The following DMPK variants were observed in gnomAD, a reference collection of about 807,000 sequenced individuals.
The protein encoded by DMPK is myotonin-protein kinase.
DMPK carries 32 observed loss-of-function variants against 70.3 expected under a neutral mutation model. The observed-to-expected ratio is 0.46, with a 90% CI of 0.34 to 0.61. The LOEUF (loss-of-function observed/expected upper bound fraction) is 0.61, where lower values mean the gene tolerates loss of function less well. Among genes scored for constraint, DMPK ranks in the 20% least tolerant of loss-of-function variants. The pLI, the probability that DMPK is intolerant of heterozygous loss-of-function variation, is 0.01. For missense variants in DMPK, 899 were observed against 886.0 expected (o/e 1.01, Z -0.19); for synonymous variants, 469 against 390.9 (o/e 1.20, Z -2.36).
rs1383683045 is a variant in DMPK at position 45,777,501 on chromosome 19, C to G, written c.972G>C (p.Arg324=). ...AGTCGCCTGCTCCACCCCGGCCCAG[C>G]CGTGTCTCCGGGGGACACAGCAACC... is the stretch of plus-strand genomic sequence containing the variant. ...IQRLLCPPET[R]LGRGGAGDFR... Residue 324 remains arginine (R), a synonymous_variant, in exon 8 of 15, where the codon CGG becomes CGC. Transcript: ENST00000291270. The surrounding 1 kb of genome is among the most constrained non-coding windows in gnomAD (Gnocchi z 6.7). 6.2e-7 allele frequency: 1 copy of G among 1,613,560 alleles called. No individual in the cohort carries two copies. The highest frequency in any genetic ancestry group is 1.7e-5 in the Admixed American group (1 of 60,028).
chr19:45,777,911 CCTCTGGGCCCACCAG>C lies in DMPK; in HGVS notation c.676-53_676-39del, dbSNP rs1481529015. 34 of 1,555,534 alleles carry C rather than the reference CCTCTGGGCCCACCAG, an allele frequency of 2.2e-5. No individual in the cohort carries two copies. The highest frequency in any genetic ancestry group is 1.7e-4 in the Middle Eastern group (1 of 5,858). ...GAGCAGAGCGAGGCTTGGGCCCACC[CCTCTGGGCCCACCAG>C]CTCTGGGCCCTCCTTCCAACCACTC... On this transcript the variant is annotated intron_variant, in intron 6 of 14. Transcript: ENST00000291270. The surrounding 1 kb of genome is among the most constrained non-coding windows in gnomAD (Gnocchi z 6.7).
In DMPK at chr19:45,771,656, G is replaced by C. The variant is rs749635716; in HGVS notation, c.1512C>G (p.Arg504=). The part of the protein sequence containing the change: ...TDNQNFASQL[R]EAEARNRDLE... ...GGTCCCGGTTCCGAGCCTCTGCCTC[G>C]CGTAGTTGACTGTGGGGAGGTAAGG... The change falls in exon 12 of 15, where the codon CGC becomes CGG. Residue 504 remains arginine, a synonymous_variant. Coordinates refer to ENST00000291270, the MANE Select transcript of DMPK (RefSeq NM_004409.5). 1.9e-6 allele frequency: 3 copies of C among 1,613,936 alleles called. No individual in the cohort carries two copies. The South Asian group carries it at 3.3e-5, about 18-fold the overall frequency.
intron 3 of DMPK, 28 bp from the exon 4 acceptor site, chr19:45,779,387 C>T (rs1969975037): frequency 9.9e-6 from 16 of 1,613,930 alleles, no homozygotes; most frequent in Non-Finnish European, 1.3e-5. Flanking sequence ...GAGCTGCAGC[C>T]GGAGACGGGG....
At position 45,770,204 on chromosome 19, in the gene DMPK, C is replaced by CCAGCAGCACCAG; in HGVS notation, c.*283_*284insCTGGTGCTGCTG. 1 of 714,810 alleles carries CCAGCAGCACCAG rather than the reference C, an allele frequency of 1.4e-6. No individual in the cohort carries two copies. The highest frequency in any genetic ancestry group is 2.4e-6 in the Non-Finnish European group (1 of 415,312). The allele number at this position is 714,810 out of a possible 1,614,324, so 44.3% of individuals were successfully genotyped here. On this transcript the variant is annotated 3_prime_UTR_variant, in exon 15 of 15. Coordinates refer to ENST00000291270, the MANE Select transcript of DMPK (RefSeq NM_004409.5). The stretch of plus-strand genomic sequence containing the variant: ...AAGAAAGAAATGGTCTGTGATCCCC[C>CCAGCAGCACCAG]CAGCAGCAGCAGCAGCAGCAGCAGC...
At position 45,777,083 on chromosome 19, in the gene DMPK, C is replaced by G. The variant is rs1969813675; in HGVS notation, c.1146+244G>C. On this transcript the variant is annotated intron_variant, in intron 8 of 14. Transcript: ENST00000291270. This position sits in a 1 kb window ranked among gnomAD's most constrained non-coding sequence, Gnocchi z 6.7. The stretch of plus-strand genomic sequence containing the variant: ...TTGCTGAGTCAGGAGTCCCCCACCC[C>G]CTGCACTCCATTGTCTCAGCCCTGA... The G allele has an allele frequency of 2.0e-6, 1 of 505,650 alleles. No individual in the cohort carries two copies. Among genetic ancestry groups the G allele is most frequent in the Non-Finnish European group, 3.3e-6 (1 of 303,936 alleles). The allele number at this position is 505,650 out of a possible 1,614,324, so 31.3% of individuals were successfully genotyped here. A position where few individuals can be genotyped will look rare whatever the true frequency, so the allele number is the denominator to read the frequency against.
intron 13 of DMPK, 86 bp downstream of exon 13, chr19:45,771,264 A>AT (rs1555786811): frequency 1.3e-6 from 2 of 1,508,466 alleles, no homozygotes; most frequent in Non-Finnish European, 1.8e-6. Context: ...GGTGAGCCCT[A>AT]TATCTGGACG....
Position 45,775,092 on chromosome 19 carries a change from T to C in DMPK, c.1147-58A>G, listed in dbSNP as rs1182746998. On this transcript the variant is annotated intron_variant, in intron 8 of 14. Transcript: ENST00000291270. ...GTCAGGGCGGGCCCCTCACTGCTTT[T>C]TGATCTTGGCTTACATGTTCCCCCC... 18 of 1,401,014 alleles carry C rather than the reference T, an allele frequency of 1.3e-5. No homozygotes were observed. The East Asian group carries it at 4.1e-4, about 32-fold the overall frequency. 86.8% of individuals were successfully genotyped at this position (1,401,014 alleles called of 1,614,324 possible).
intron 9 of DMPK, 112 bp downstream of exon 9, chr19:45,774,837 A>C (rs762427243): frequency 7.3e-5 from 59 of 811,296 alleles, no homozygotes; most frequent in African/African-American, 6.9e-5. Flanking sequence ...TTTGGGCCCA[A>C]AACAGTAAGG....
rs993053982 is a variant in DMPK, at chr19:45,772,172, A to G, written c.1345-244T>C. 1.1e-5 allele frequency: 6 copies of G among 536,690 alleles called. No homozygotes were observed. The African/African-American group carries it at 1.1e-4, about 10-fold the overall frequency. 33.2% of individuals were successfully genotyped at this position (536,690 alleles called of 1,614,324 possible). On this transcript the variant is annotated intron_variant, in intron 10 of 14. Transcript: ENST00000291270. ...AGAGGGCTGGTGCTCAAACACTAAC[A>G]CAACCTATGTCCCTCTGCTGCTCAA...
Position 45,772,757 on chromosome 19 carries a change from G to C in DMPK, c.1233-5C>G. Reference sequence around the variant, plus strand: ...GGGCCTGGGACCTCACTGTCCCTGGGGAGAGGAGGAGGGAGTGGGGAGGGA... The same window carrying C: ...GGGCCTGGGACCTCACTGTCCCTGGCGAGAGGAGGAGGGAGTGGGGAGGGA... On this transcript the variant is annotated splice_polypyrimidine_tract_variant and splice_region_variant and intron_variant, in intron 9 of 14. Transcript: ENST00000291270. The C allele has an allele frequency of 6.9e-7, 1 of 1,453,074 alleles. No homozygotes were observed. Among genetic ancestry groups the C allele is most frequent in the South Asian group, 1.5e-5 (1 of 68,168 alleles). 90.0% of individuals were successfully genotyped at this position (1,453,074 alleles called of 1,614,324 possible). A position where few individuals can be genotyped will look rare whatever the true frequency, so the allele number is the denominator to read the frequency against.
At chr19:45,774,540 G>A (rs1331046538) in intron 9 of DMPK, among the ~76,000 whole-genome samples, 2 of 152,192 alleles carry the variant, frequency 1.3e-5, no homozygotes, top group Non-Finnish European at 1.5e-5. Flanking sequence ...AGGATTACAG[G>A]CGTGAGCCAC....
intron 13 of DMPK, 35 bp from the exon 14 acceptor site, chr19:45,771,095 C>T (rs1479938803): frequency 2.0e-6 from 3 of 1,469,064 alleles, no homozygotes; most frequent in South Asian, 1.2e-5. Flanking sequence ...CCGATCGGAG[C>T]CCAGCCCAGC....
intron 1 of DMPK, 169 bp from the exon 2 acceptor site, chr19:45,780,038 G>A (rs754909474): frequency 4.1e-5 from 63 of 1,542,104 alleles, no homozygotes; most frequent in Non-Finnish European, 4.6e-5. Flanking sequence ...TAAGGTTCTG[G>A]GGGCCAAAAA....
At chr19:45,778,339 G>A in intron 5 of DMPK, 119 bp from the exon 6 acceptor site, 1 of 1,367,504 alleles carries the variant, frequency 7.3e-7, no homozygotes, top group Non-Finnish European at 1.0e-6. Context: ...CGCCCCTGTA[G>A]GGCTTCTACA....
At position 45,777,929 on chromosome 19, in the gene DMPK, C is replaced by T. The variant is rs1199929535; in HGVS notation, c.676-56G>A. 9 of 1,502,362 alleles carry T rather than the reference C, an allele frequency of 6.0e-6. No homozygotes were observed. Among genetic ancestry groups the T allele is most frequent in the East Asian group, 2.3e-5 (1 of 44,092 alleles). 93.1% of individuals were successfully genotyped at this position (1,502,362 alleles called of 1,614,324 possible). A position where few individuals can be genotyped will look rare whatever the true frequency, so the allele number is the denominator to read the frequency against. On this transcript the variant is annotated intron_variant, in intron 6 of 14. Coordinates refer to ENST00000291270, the MANE Select transcript of DMPK (RefSeq NM_004409.5). The surrounding 1 kb of genome is among the most constrained non-coding windows in gnomAD (Gnocchi z 6.7). ...GCCCACCCCTCTGGGCCCACCAGCTCTGGGCCCTCCTTCCAACCACTCCCC... is the reference window on the plus strand; with the variant it reads ...GCCCACCCCTCTGGGCCCACCAGCTTTGGGCCCTCCTTCCAACCACTCCCC...
rs1365366803 is a variant in DMPK at position 45,778,599 on chromosome 19, G to A, written c.475C>T (p.Leu159=). 2.5e-6 allele frequency: 4 copies of A among 1,613,978 alleles called. No homozygotes were observed. The highest frequency in any genetic ancestry group is 3.3e-5 in the Admixed American group (2 of 60,022). The change falls in exon 5 of 15, where the codon CTG becomes TTG. Residue 159 remains leucine, a synonymous_variant. Transcript: ENST00000291270. ...EYYVGGDLLT[L]LSKFGERIPA... ...ATCCGCTCCCCAAACTTGCTCAGCA[G>A]TGTCAGCAGGTCCCCGCCCACGTAA...
chr19:45,779,125 C>A (rs1969958457), intron 4 of DMPK, 139 bp downstream of exon 4: 3 of 842,922 alleles, frequency 3.6e-6, no homozygotes, highest in Non-Finnish European at 5.9e-6. Flanking sequence ...ACCTGACACA[C>A]CCTCTTACCG....
At chr19:45,780,899 G>A (rs1033280522) in intron 1 of DMPK, among the ~76,000 whole-genome samples, 8 of 151,944 alleles carry the variant, frequency 5.3e-5, no homozygotes, top group African/African-American at 9.7e-5. Context: ...GATGCAGCTC[G>A]GGCCACAAAA....
At chr19:45,776,680 G>C (rs946635404) in intron 8 of DMPK, 1 of 152,474 alleles carries the variant, frequency 6.6e-6, no homozygotes, top group Non-Finnish European at 1.5e-5. Flanking sequence ...GGCTGGTCTC[G>C]AACTCCTGGG....
Sources: gnomAD v4.1 joint callset for allele counts (sites outside exome capture counted in the v4.1 genomes callset) on GRCh38, gnomAD v4.1.1 for gene constraint, Gnocchi (gnomAD v3.1) non-coding constraint, MANE v1.5 for transcripts, NCBI Gene and HGNC (gene_info 2026-07-23, HGNC 2026-07-21) for gene names.